FCHSD2: variants seen among roughly 807,000 people sequenced by gnomAD.
The protein encoded by FCHSD2 is F-BAR and double SH3 domains protein 2.
Under a neutral mutation model 108.1 loss-of-function variants are expected in FCHSD2, and 38 were observed. The observed-to-expected ratio is 0.35, with a 90% CI of 0.27 to 0.46. FCHSD2 has a LOEUF of 0.46. Among genes scored for constraint, FCHSD2 ranks in the 20% least tolerant of loss-of-function variants. The pLI is 1.00. For missense variants in FCHSD2, 751 were observed against 897.8 expected, an observed-to-expected ratio of 0.84 and a Z score of 2.09; for synonymous variants, 279 against 314.7, an observed-to-expected ratio of 0.89 and a Z score of 1.20.
Position 72,991,353 on chromosome 11 carries a change from C to T in FCHSD2, c.388-2256G>A, listed in dbSNP as rs557493393. Among the ~76,000 whole-genome samples, 469 of 152,324 alleles carry T rather than the reference C, an allele frequency of 3.1e-3. 1 individual carries two copies. The highest frequency in any genetic ancestry group is 0.011 in the African/African-American group (448 of 41,576). ...TAGAAAAAGAGGGAATCCTCCCTAA[C>T]TCATTTTATGAGGCCAGCATCATCC... On this transcript the variant is annotated intron_variant, in intron 5 of 19. Transcript: ENST00000409418.
chr11:72,885,142 A>C (rs1366483332), intron 12 of FCHSD2, among the ~76,000 whole-genome samples: 2 of 152,202 alleles, frequency 1.3e-5, no homozygotes, highest in Non-Finnish European at 2.9e-5. Flanking sequence ...TTTTATTATG[A>C]TAATCCTGTA....
At chr11:72,864,894 C>A (rs759226732) in intron 13 of FCHSD2, among the ~76,000 whole-genome samples, 3 of 152,150 alleles carry the variant, frequency 2.0e-5, no homozygotes, top group Non-Finnish European at 4.4e-5. Context: ...AGGCTCCAGA[C>A]ACCTGCAACT....
At chr11:73,097,848 A>G (rs140380718) in intron 2 of FCHSD2, among the ~76,000 whole-genome samples, 145 of 152,018 alleles carry the variant, frequency 9.5e-4, no homozygotes, top group African/African-American at 3.3e-3. Context: ...TACTCTGTCT[A>G]TCTATTTTAG....
chr11:73,046,912 T>C (rs1046696863), intron 3 of FCHSD2, among the ~76,000 whole-genome samples: 3 of 152,108 alleles, frequency 2.0e-5, no homozygotes, highest in African/African-American at 4.8e-5. Context: ...CTTAAATCAA[T>C]AGGATGTAGA....
rs753298581 is a variant in FCHSD2, at chr11:72,840,885, G to A, written c.2131C>T (p.Leu711=). 1 of 1,609,770 alleles carries A rather than the reference G, an allele frequency of 6.2e-7. No individual in the cohort carries two copies. The highest frequency in any genetic ancestry group is 1.1e-5 in the South Asian group (1 of 91,008). ...RHTPETSYGK[L]RPVRAAPPPP... is the part of the protein sequence containing the mutation. ...CAAGATCAGAGACTTACAGGTCGCAGTTTGCCATATGAGGTCTCAGGAGTA... is the reference window on the plus strand; with the variant it reads ...CAAGATCAGAGACTTACAGGTCGCAATTTGCCATATGAGGTCTCAGGAGTA... Residue 711 remains leucine (L), a synonymous_variant, in exon 19 of 20, where the codon CTG becomes TTG. Coordinates refer to ENST00000409418, the MANE Select transcript of FCHSD2 (RefSeq NM_014824.3).
intron 9 of FCHSD2, among the ~76,000 whole-genome samples, chr11:72,916,968 C>CTTTTTTTTTTTTTTTTTTTTTTT (rs71062793): frequency 8.4e-6 from 1 of 118,798 alleles, no homozygotes; most frequent in African/African-American, 3.3e-5. Context: ...GAACTTCATT[C>CTTTTTTTTTTTTTTTTTTTTTTT]TTTTTTTTTT....
intron 2 of FCHSD2, among the ~76,000 whole-genome samples, chr11:73,105,098 GA>G (rs1860311249): frequency 6.6e-6 from 1 of 152,110 alleles, no homozygotes; most frequent in Non-Finnish European, 1.5e-5. Flanking sequence ...AAGGTAACCA[GA>G]ATAGGTTATT....
intron 9 of FCHSD2, among the ~76,000 whole-genome samples, chr11:72,914,254 A>G (rs979784572): frequency 1.1e-4 from 17 of 152,152 alleles, no homozygotes; most frequent in Non-Finnish European, 2.2e-4. Context: ...ACCTAAAGTG[A>G]TCTGCCCACC....
At chr11:73,139,511 T>C (rs1424632840) in intron 2 of FCHSD2, among the ~76,000 whole-genome samples, 1 of 152,226 alleles carries the variant, frequency 6.6e-6, no homozygotes, top group African/African-American at 2.4e-5. Flanking sequence ...GTTAACTTGA[T>C]TATGAATATG....
Position 72,999,874 on chromosome 11 carries a change from CACACACACACACAA to C in FCHSD2, c.387+1102_387+1115del, listed in dbSNP as rs1201822416. On this transcript the variant is annotated intron_variant, in intron 5 of 19. Transcript: ENST00000409418. ...CTCTTTCTGCACAATCAGACACACA[CACACACACACACAA>C]ACACACACACACACACACTTTCTTC... Among the ~76,000 whole-genome samples, 4 of 16,608 alleles carry C rather than the reference CACACACACACACAA, an allele frequency of 2.4e-4. No individual in the cohort carries two copies. The South Asian group carries it at 0.026, about 107-fold the overall frequency. The allele number at this position is 16,608 out of a possible 152,430, so 10.9% of individuals were successfully genotyped here. A position where few individuals can be genotyped will look rare whatever the true frequency, so the allele number is the denominator to read the frequency against.
intron 3 of FCHSD2, chr11:73,077,729 T>C (rs1405338064): frequency 9.6e-6 from 3 of 314,060 alleles, no homozygotes; most frequent in Middle Eastern, 3.9e-4. Context: ...AACTACAAAA[T>C]AGTTAATGCT....
At chr11:72,854,875 T>G (rs752063769) in intron 13 of FCHSD2, among the ~76,000 whole-genome samples, 4 of 151,504 alleles carry the variant, frequency 2.6e-5, no homozygotes, top group African/African-American at 4.9e-5. Context: ...CGGTGGCTCA[T>G]GCCTGTAATC....
intron 6 of FCHSD2, among the ~76,000 whole-genome samples, 153 bp downstream of exon 6, chr11:72,988,811 A>G (rs1359487442): frequency 2.0e-5 from 3 of 152,260 alleles, no homozygotes; most frequent in Non-Finnish European, 4.4e-5. Flanking sequence ...GCCAATTAAA[A>G]AAATGTGACC....
intron 3 of FCHSD2, among the ~76,000 whole-genome samples, chr11:73,043,477 G>T (rs1858689231): frequency 6.6e-6 from 1 of 152,058 alleles, no homozygotes; most frequent in Admixed American, 6.6e-5. Flanking sequence ...GTAATTAAAG[G>T]AATTAATCAG....
intron 13 of FCHSD2, among the ~76,000 whole-genome samples, chr11:72,859,109 G>A (rs968156996): frequency 2.0e-5 from 3 of 152,172 alleles, no homozygotes; most frequent in Non-Finnish European, 4.4e-5. Flanking sequence ...CTCAGGATGC[G>A]GAGTATAGCA....
intron 13 of FCHSD2, among the ~76,000 whole-genome samples, chr11:72,866,457 A>G (rs2135201113): frequency 6.6e-6 from 1 of 152,084 alleles, no homozygotes; most frequent in East Asian, 1.9e-4. Context: ...TTTAGTAGAG[A>G]CAGCGTTTCA....
chr11:73,117,026 TTCTG>T (rs1401769625), intron 2 of FCHSD2, among the ~76,000 whole-genome samples: 1 of 152,218 alleles, frequency 6.6e-6, no homozygotes, highest in East Asian at 1.9e-4. Context: ...TTCCTGAGTT[TTCTG>T]TATCATATTG....
intron 8 of FCHSD2, among the ~76,000 whole-genome samples, chr11:72,968,960 G>C (rs1856962321): frequency 6.6e-6 from 1 of 152,140 alleles, no homozygotes; most frequent in Non-Finnish European, 1.5e-5. Context: ...TAATATTAAG[G>C]CTTTGTCCAG....
At chr11:73,007,517 T>G (rs1338014911) in intron 4 of FCHSD2, among the ~76,000 whole-genome samples, 1 of 151,826 alleles carries the variant, frequency 6.6e-6, no homozygotes, top group Non-Finnish European at 1.5e-5. Context: ...GGAGGTGATG[T>G]GGAAGGATCA....
Sources: gnomAD v4.1 joint callset for allele counts (sites outside exome capture counted in the v4.1 genomes callset) on GRCh38, gnomAD v4.1.1 for gene constraint, MANE v1.5 for transcripts, NCBI Gene and HGNC (gene_info 2026-07-23, HGNC 2026-07-21) for gene names.